Variants in RBM44 observed in about 807,000 individuals in gnomAD.
RBM44 encodes RNA-binding protein 44.
RBM44 carries 66 observed loss-of-function variants against 105.1 expected under a neutral mutation model. That is an observed-to-expected ratio of 0.63 (90% confidence interval 0.52 to 0.77). The LOEUF (loss-of-function observed/expected upper bound fraction) is 0.77, where lower values mean the gene tolerates loss of function less well. Ranked by LOEUF, RBM44 falls within the 30% of genes least tolerant of loss-of-function variation. The probability of loss-of-function intolerance (pLI) is 0.00; values close to 1 mark genes in which losing one functional copy is unlikely to be tolerated. For missense variants in RBM44, 1,122 were observed against 1,207.8 expected, an observed-to-expected ratio of 0.93 and a Z score of 1.05; for synonymous variants, 365 against 417.6, an observed-to-expected ratio of 0.87 and a Z score of 1.54.
chr2:237,813,396 C>T (rs1051513839), intron 1 of RBM44, among the ~76,000 whole-genome samples, 196 bp from the exon 2 acceptor site: 7 of 152,026 alleles, frequency 4.6e-5, no homozygotes, highest in African/African-American at 9.7e-5. Flanking sequence ...TATCTAGGTT[C>T]GACATAAATA....
At chr2:237,840,569 A>G (rs930997525) in intron 15 of RBM44, among the ~76,000 whole-genome samples, 1 of 152,222 alleles carries the variant, frequency 6.6e-6, no homozygotes, top group Non-Finnish European at 1.5e-5. Flanking sequence ...AAAAAAATTG[A>G]CAAATGGGAC....
rs139314116 is a variant in RBM44 at position 237,810,876 on chromosome 2, G to T, written c.-18-2716G>T. Among the ~76,000 whole-genome samples the T allele has an allele frequency of 3.6e-3, 551 of 152,230 alleles. 1 individual carries two copies. The highest frequency in any genetic ancestry group is 0.01 in the Middle Eastern group (3 of 294). ...TCCAGCATCAAAAGGCCACCTCTCG[G>T]GCATTTGCATTGGCCCAGTTGAAGG... On this transcript the variant is annotated intron_variant, in intron 1 of 15. Coordinates refer to ENST00000316997, the MANE Select transcript of RBM44 (RefSeq NM_001080504.3).
intron 13 of RBM44, among the ~76,000 whole-genome samples, chr2:237,833,480 G>T (rs1337373958): frequency 6.6e-6 from 1 of 152,130 alleles, no homozygotes; most frequent in Non-Finnish European, 1.5e-5. Flanking sequence ...AGCATATAGT[G>T]CACTTCTGGG....
At position 237,842,107 on chromosome 2, in the gene RBM44, T is replaced by C. The variant is rs2062017341; in HGVS notation, c.*291T>C. On this transcript the variant is annotated 3_prime_UTR_variant, in exon 16 of 16. Transcript: ENST00000316997. ...TTGTTACTTAGAACATTAAGATGCA[T>C]ATTTGTGATCTAAAGAAATTGTCTT... The C allele has an allele frequency of 6.6e-6, 1 of 152,118 alleles. No homozygotes were observed. The highest frequency in any genetic ancestry group is 2.1e-4 in the South Asian group (1 of 4,826). The allele number at this position is 152,118 out of a possible 1,614,324, so 9.4% of individuals were successfully genotyped here. A position where few individuals can be genotyped will look rare whatever the true frequency, so the allele number is the denominator to read the frequency against.
chr2:237,826,777 A>G (rs2061852116), intron 10 of RBM44, among the ~76,000 whole-genome samples: 1 of 151,630 alleles, frequency 6.6e-6, no homozygotes, highest in Non-Finnish European at 1.5e-5. Flanking sequence ...TATTCCCTAA[A>G]CAATACAGTA....
At chr2:237,809,994 C>T (rs2150971101) in intron 1 of RBM44, among the ~76,000 whole-genome samples, 1 of 152,274 alleles carries the variant, frequency 6.6e-6, no homozygotes, top group South Asian at 2.1e-4. Flanking sequence ...GGCAAACCTT[C>T]ATGATAATAT....
intron 13 of RBM44, among the ~76,000 whole-genome samples, chr2:237,831,291 G>GT (rs1232261820): frequency 7.4e-6 from 1 of 134,600 alleles, no homozygotes; most frequent in Non-Finnish European, 1.6e-5. Flanking sequence ...GTTTTGTTTT[G>GT]TTTTTTTGAG....
At chr2:237,801,089 A>G (rs1459661916) in intron 1 of RBM44, among the ~76,000 whole-genome samples, 1 of 152,190 alleles carries the variant, frequency 6.6e-6, no homozygotes, top group African/African-American at 2.4e-5. Context: ...TAATCCCAAC[A>G]CTTTGAAAGG....
chr2:237,832,320 T>G (rs1032407125), intron 13 of RBM44, among the ~76,000 whole-genome samples: 1 of 151,980 alleles, frequency 6.6e-6, no homozygotes, highest in African/African-American at 2.4e-5. Flanking sequence ...GCCCAGCTAA[T>G]TTTTGTATTT....
At chr2:237,827,143 C>T in intron 10 of RBM44, 107 bp from the exon 11 acceptor site, 3 of 659,930 alleles carry the variant, frequency 4.5e-6, no homozygotes, top group South Asian at 2.0e-5. Context: ...TTATAATAAA[C>T]TCTGGGTTAG....
intron 2 of RBM44, among the ~76,000 whole-genome samples, chr2:237,816,499 T>C (rs2061716439): frequency 1.3e-5 from 2 of 152,290 alleles, no homozygotes; most frequent in Admixed American, 1.3e-4. Flanking sequence ...GCTGTTGTCT[T>C]AGGTCAGGCT....
chr2:237,816,696 T>A (rs1040785979), intron 2 of RBM44, among the ~76,000 whole-genome samples: 2 of 152,140 alleles, frequency 1.3e-5, no homozygotes, highest in African/African-American at 2.4e-5. Context: ...AGGCAAGCTC[T>A]TTTGGTCTTT....
At chr2:237,810,653 C>T (rs2061649822) in intron 1 of RBM44, among the ~76,000 whole-genome samples, 1 of 152,148 alleles carries the variant, frequency 6.6e-6, no homozygotes, top group Non-Finnish European at 1.5e-5. Flanking sequence ...GGGAGAAGAG[C>T]TCTCGAGTCT....
In RBM44 at chr2:237,818,956, A is replaced by G. The variant is rs1445860178; in HGVS notation, c.1733A>G (p.Glu578Gly). Residue 578 changes from glutamate to glycine, a missense_variant, in exon 4 of 16, where the codon GAG becomes GGG. Coordinates refer to ENST00000316997, the MANE Select transcript of RBM44 (RefSeq NM_001080504.3). The surrounding 1 kb of genome is among the most constrained non-coding windows in gnomAD (Gnocchi z 4.6). ...ATCACAGACCTAAAGAAACATCCTG[A>G]GAGGTACATCATTTATATATGCTTA... ...CGITDLKKHP[E>G]REFQLFKDTE... 1 of 1,451,262 alleles carries G rather than the reference A, an allele frequency of 6.9e-7. No homozygotes were observed. The allele number at this position is 1,451,262 out of a possible 1,614,324, so 89.9% of individuals were successfully genotyped here.
chr2:237,820,945 C>A, intron 5 of RBM44, 126 bp from the exon 6 acceptor site: 1 of 638,556 alleles, frequency 1.6e-6, no homozygotes, highest in Non-Finnish European at 2.6e-6. Flanking sequence ...TAGCAACTTG[C>A]GAGGCTGAGA....
At chr2:237,806,319 A>G (rs950103915) in intron 1 of RBM44, among the ~76,000 whole-genome samples, 1 of 152,144 alleles carries the variant, frequency 6.6e-6, no homozygotes, top group African/African-American at 2.4e-5. Flanking sequence ...TTAAAGAAAC[A>G]ATTTCTGGTT....
At position 237,833,326 on chromosome 2, in the gene RBM44, C is replaced by A. The variant is rs772990858; in HGVS notation, c.2887-671C>A. ...CGAGGCTTTAAAGTCTGAGTCCTTCCTTTGTTGAACTTTTATGGGATTTAC... is the reference window on the plus strand; with the variant it reads ...CGAGGCTTTAAAGTCTGAGTCCTTCATTTGTTGAACTTTTATGGGATTTAC... On this transcript the variant is annotated intron_variant, in intron 13 of 15. Coordinates refer to ENST00000316997, the MANE Select transcript of RBM44 (RefSeq NM_001080504.3). 4.3e-4 allele frequency among the ~76,000 whole-genome samples: 65 copies of A among 152,130 alleles called. 1 individual carries two copies. Among genetic ancestry groups the A allele is most frequent in the South Asian group, 4.1e-4 (2 of 4,832 alleles).
intron 8 of RBM44, 99 bp from the exon 9 acceptor site, chr2:237,823,341 T>A (rs2061813945): frequency 1.7e-6 from 1 of 598,972 alleles, no homozygotes; most frequent in African/African-American, 1.9e-5. Flanking sequence ...CCCTCATTAC[T>A]GTAAAGGCTG....
Position 237,813,594 on chromosome 2 carries a change from T to C in RBM44, c.-16T>C. ...TTCAATATTTATACCTTTTCTAGAT[T>C]ATATATCTTTGAATGATGCAGGCCA... is the stretch of plus-strand genomic sequence containing the variant. On this transcript the variant is annotated splice_region_variant and 5_prime_UTR_variant, in exon 2 of 16. Coordinates refer to ENST00000316997, the MANE Select transcript of RBM44 (RefSeq NM_001080504.3). The C allele has an allele frequency of 6.4e-7, 1 of 1,551,408 alleles. No homozygotes were observed. Among genetic ancestry groups the C allele is most frequent in the Non-Finnish European group, 8.9e-7 (1 of 1,124,662 alleles).
Sources: gnomAD v4.1 joint callset for allele counts (sites outside exome capture counted in the v4.1 genomes callset) on GRCh38, gnomAD v4.1.1 for gene constraint, Gnocchi (gnomAD v3.1) non-coding constraint, MANE v1.5 for transcripts, NCBI Gene and HGNC (gene_info 2026-07-23, HGNC 2026-07-21) for gene names.